The following ERI1 variants were observed in gnomAD, a reference collection of about 807,000 sequenced individuals.
ERI1 encodes 3'-5' exoribonuclease 1.
In ERI1, 39 loss-of-function variants were observed where a neutral mutation model predicts 39.7. The observed-to-expected ratio is 0.98, with a 90% CI of 0.76 to 1.28. The LOEUF (loss-of-function observed/expected upper bound fraction) is 1.28, where lower values mean the gene tolerates loss of function less well. Among genes scored for constraint, ERI1 ranks in the 50% most tolerant of loss-of-function variants. The pLI, the probability that ERI1 is intolerant of heterozygous loss-of-function variation, is 0.00. For synonymous variants in ERI1, 204 were observed against 149.6 expected (o/e 1.36, Z -2.65); for missense variants, 581 against 416.9 (o/e 1.39, Z -3.43).
chr8:9,054,541 G>A lies in ERI1; in HGVS notation n.299+34077G>A, dbSNP rs75164026. Among the ~76,000 whole-genome samples the A allele has an allele frequency of 3.9e-4, 60 of 152,314 alleles. 2 individuals carry two copies. The East Asian group carries it at 8.5e-3, about 22-fold the overall frequency. ...ATTTATTTGATTCTAGTTTTATGTG[G>A]CACAGGAGGCTTCAGGATAAAGACC... On this transcript the variant is annotated intron_variant and non_coding_transcript_variant, in intron 3 of 3. Coordinates refer to the ERI1 transcript ENST00000518663.
At position 9,011,621 on chromosome 8, in the gene ERI1, G is replaced by T; in HGVS notation, c.367G>T (p.Ala123Ser). The stretch of plus-strand genomic sequence containing the variant: ...GCTGATGCTGAAAGAGAGCAATTTT[G>T]CTGACAGTTATTATGACTACATTTG... ...QKLMLKESNF[A>S]DSYYDYICII... Residue 123 changes from alanine (A) to serine (S), a missense_variant, in exon 3 of 7, where the codon GCT (alanine) becomes TCT (serine). Coordinates refer to ENST00000250263, the MANE Select transcript of ERI1 (RefSeq NM_153332.4). The T allele has an allele frequency of 1.2e-6, 2 of 1,613,480 alleles. No individual in the cohort carries two copies. The highest frequency in any genetic ancestry group is 8.5e-7 in the Non-Finnish European group (1 of 1,179,600).
At chr8:9,088,867 C>G (rs1799614972) in intron 3 of ERI1, among the ~76,000 whole-genome samples, 1 of 152,160 alleles carries the variant, frequency 6.6e-6, no homozygotes, top group Admixed American at 6.5e-5. Flanking sequence ...CAGAACAGGC[C>G]AAACACATTC....
In ERI1 at chr8:9,031,637, C is replaced by T. The variant is rs1390210585; in HGVS notation, c.*1603C>T. On this transcript the variant is annotated 3_prime_UTR_variant, in exon 7 of 7. Transcript: ENST00000250263. ...ATGATGACGAGGAAATATTACGTTT[C>T]CAGTTTTTTTAGCTCTATCTGCTAA... The T allele has an allele frequency of 6.6e-6, 1 of 152,166 alleles. No individual in the cohort carries two copies. The highest frequency in any genetic ancestry group is 1.9e-4 in the East Asian group (1 of 5,192). The allele number at this position is 152,166 out of a possible 1,614,324, so 9.4% of individuals were successfully genotyped here. A position where few individuals can be genotyped will look rare whatever the true frequency, so the allele number is the denominator to read the frequency against.
At chr8:9,048,681 G>A (rs567472572) in intron 3 of ERI1, among the ~76,000 whole-genome samples, 5 of 152,268 alleles carry the variant, frequency 3.3e-5, no homozygotes, top group African/African-American at 7.2e-5. Context: ...ATCTTGCTCC[G>A]TTGTCTAGGC....
chr8:9,079,291 G>C (rs1799301984), intron 3 of ERI1, among the ~76,000 whole-genome samples: 1 of 152,218 alleles, frequency 6.6e-6, no homozygotes, highest in African/African-American at 2.4e-5. Context: ...GGTAAGCCCT[G>C]ATCTCCGGAG....
intron 6 of ERI1, among the ~76,000 whole-genome samples, chr8:9,024,179 C>T (rs1052716255): frequency 1.3e-5 from 2 of 152,108 alleles, no homozygotes; most frequent in African/African-American, 4.8e-5. Context: ...ATTTAAAAGG[C>T]AAATAACTGT....
At chr8:9,019,220 G>A (rs1213852547) in intron 5 of ERI1, among the ~76,000 whole-genome samples, 1 of 152,126 alleles carries the variant, frequency 6.6e-6, no homozygotes, top group Non-Finnish European at 1.5e-5. Context: ...GATACCTTAA[G>A]GCCATTAAGG....
At chr8:9,011,237 T>G (rs888124849) in intron 2 of ERI1, among the ~76,000 whole-genome samples, 4 of 152,216 alleles carry the variant, frequency 2.6e-5, no homozygotes, top group Non-Finnish European at 2.9e-5. Flanking sequence ...ACGACTGTGT[T>G]GGTAGTATAT....
chr8:9,004,270 C>T (rs1485589427), intron 1 of ERI1: 5 of 1,184,014 alleles, frequency 4.2e-6, no homozygotes, highest in Admixed American at 7.1e-5. Flanking sequence ...CCCTCTTCAG[C>T]CTGAGATACG....
intron 3 of ERI1, among the ~76,000 whole-genome samples, chr8:9,041,901 AT>A (rs1798034449): frequency 6.6e-6 from 1 of 151,898 alleles, no homozygotes. Context: ...CGCCCAGCTG[AT>A]TTTGTATTTT....
chr8:9,005,859 A>C (rs1490706842), intron 1 of ERI1, among the ~76,000 whole-genome samples: 1 of 152,234 alleles, frequency 6.6e-6, no homozygotes, highest in Non-Finnish European at 1.5e-5. Context: ...GAAGATTTTC[A>C]TGGCCACATC....
chr8:9,037,310 C>G (rs1025481477), downstream of ERI1, among the ~76,000 whole-genome samples: 10 of 152,164 alleles, frequency 6.6e-5, no homozygotes, highest in Non-Finnish European at 1.2e-4. Flanking sequence ...TACTTCTGTC[C>G]CCAGGAAGTT....
downstream of ERI1, among the ~76,000 whole-genome samples, chr8:9,036,866 C>G (rs1032151609): frequency 2.0e-5 from 3 of 152,114 alleles, no homozygotes; most frequent in African/African-American, 7.2e-5. Flanking sequence ...TGAACATAGA[C>G]CTGTTTTCCC....
At chr8:9,090,451 C>T (rs1040223666) in intron 3 of ERI1, among the ~76,000 whole-genome samples, 2 of 152,158 alleles carry the variant, frequency 1.3e-5, no homozygotes, top group Non-Finnish European at 2.9e-5. Context: ...AGGGTACTTA[C>T]TCTAGCTTAT....
At chr8:9,060,704 G>A (rs1199277233) in intron 3 of ERI1, among the ~76,000 whole-genome samples, 2 of 152,162 alleles carry the variant, frequency 1.3e-5, no homozygotes, top group Admixed American at 6.5e-5. Context: ...AAGTTTCAGC[G>A]GGGGAGTAGG....
At chr8:9,076,290 C>T (rs1368537566) in intron 3 of ERI1, among the ~76,000 whole-genome samples, 1 of 152,186 alleles carries the variant, frequency 6.6e-6, no homozygotes, top group Non-Finnish European at 1.5e-5. Context: ...GCCATGTATA[C>T]ACAGTTTTGT....
chr8:9,025,124 G>T (rs1818332489), intron 6 of ERI1, among the ~76,000 whole-genome samples: 1 of 152,266 alleles, frequency 6.6e-6, no homozygotes, highest in East Asian at 1.9e-4. Context: ...CAGATTCTCA[G>T]GCTGAGCAGA....
At chr8:9,084,799 T>C (rs1799475140) in intron 3 of ERI1, among the ~76,000 whole-genome samples, 1 of 152,142 alleles carries the variant, frequency 6.6e-6, no homozygotes, top group Non-Finnish European at 1.5e-5. Context: ...ACCAGATAGC[T>C]GGACTGATAC....
chr8:9,039,316 T>G lies in ERI1; in HGVS notation n.299+18852T>G, dbSNP rs181242256. ...TCGTCAAAACCTTGGAGCTACAGATTTAGTCATTCATTTCATGATACATGT... is the reference window on the plus strand; with the variant it reads ...TCGTCAAAACCTTGGAGCTACAGATGTAGTCATTCATTTCATGATACATGT... On this transcript the variant is annotated intron_variant and non_coding_transcript_variant, in intron 3 of 3. Transcript: ENST00000518663. Among the ~76,000 whole-genome samples the G allele has an allele frequency of 1.7e-3, 258 of 152,292 alleles. 3 individuals are homozygous for G. The highest frequency in any genetic ancestry group is 9.6e-4 in the East Asian group (5 of 5,190).
Sources: allele counts gnomAD v4.1 joint callset (sites outside exome capture counted in the v4.1 genomes callset), GRCh38; gene constraint gnomAD v4.1.1; transcripts MANE v1.5; gene names NCBI Gene and HGNC (gene_info 2026-07-23, HGNC 2026-07-21).